Variants in CSNK2A2IP observed in about 807,000 individuals in gnomAD.
CSNK2A2IP encodes the protein casein kinase II subunit alpha'-interacting protein.
chr3:88,455,181 T>C, the CSNK2A2IP span, among the ~76,000 whole-genome samples: 6 of 152,066 alleles, frequency 3.9e-5, no homozygotes, highest in East Asian at 9.6e-4. Flanking sequence ...CTATTATACA[T>C]AATGCTGCAA....
the CSNK2A2IP span, among the ~76,000 whole-genome samples, chr3:88,362,712 G>T: frequency 4.6e-5 from 7 of 152,288 alleles, no homozygotes; most frequent in African/African-American, 1.2e-4. Flanking sequence ...ACGCTAAGGT[G>T]GCAGATTCCC....
the CSNK2A2IP span, among the ~76,000 whole-genome samples, chr3:88,387,972 C>T: frequency 6.6e-5 from 10 of 152,192 alleles, no homozygotes; most frequent in African/African-American, 1.7e-4. Context: ...AATGATCCTC[C>T]TGCCTCAGCC....
chr3:88,409,747 TTTTCTA>T, the CSNK2A2IP span, among the ~76,000 whole-genome samples: 1,880 of 152,198 alleles, frequency 0.012, 52 homozygotes, highest in African/African-American at 0.043. Context: ...CTTCAGATTC[TTTTCTA>T]TTTCTATTTT....
chr3:88,393,764 T>G, the CSNK2A2IP span, among the ~76,000 whole-genome samples: 7 of 152,294 alleles, frequency 4.6e-5, no homozygotes, highest in South Asian at 1.5e-3. Flanking sequence ...ATTTGAGATG[T>G]AAAATTCAAA....
chr3:88,462,001 T>TA, the CSNK2A2IP span, among the ~76,000 whole-genome samples: 1 of 151,956 alleles, frequency 6.6e-6, no homozygotes, highest in East Asian at 1.9e-4. Flanking sequence ...ATATATGTGT[T>TA]AGCCATTTGG....
the CSNK2A2IP span, among the ~76,000 whole-genome samples, chr3:88,399,458 C>T: frequency 2.6e-5 from 4 of 152,186 alleles, no homozygotes; most frequent in Non-Finnish European, 5.9e-5. Context: ...AGGTCAGACT[C>T]AAAAATACAG....
the CSNK2A2IP span, among the ~76,000 whole-genome samples, chr3:88,449,209 T>C: frequency 6.6e-6 from 1 of 152,180 alleles, no homozygotes; most frequent in African/African-American, 2.4e-5. Context: ...TTTCAATTCT[T>C]CAAAGCATGG....
the CSNK2A2IP span, among the ~76,000 whole-genome samples, chr3:88,429,297 T>C: frequency 6.6e-6 from 1 of 152,144 alleles, no homozygotes; most frequent in Non-Finnish European, 1.5e-5. Context: ...GCCTCCAGGC[T>C]CTTTCCCAGA....
the CSNK2A2IP span, among the ~76,000 whole-genome samples, chr3:88,441,856 A>G: frequency 6.6e-6 from 1 of 152,274 alleles, no homozygotes; most frequent in African/African-American, 2.4e-5. Flanking sequence ...TTTTACAGAC[A>G]TTTTCTCCAG....
chr3:88,360,295 G>A, the CSNK2A2IP span, among the ~76,000 whole-genome samples: 783 of 151,820 alleles, frequency 5.2e-3, 4 homozygotes, highest in Admixed American at 8.5e-3. Flanking sequence ...CACAACGCCC[G>A]GCTATTTTTT....
chr3:88,404,436 A>C, the CSNK2A2IP span, among the ~76,000 whole-genome samples: 1 of 152,204 alleles, frequency 6.6e-6, no homozygotes, highest in African/African-American at 2.4e-5. Flanking sequence ...ATGTTAGATC[A>C]GTGCTGTCCA....
the CSNK2A2IP span, among the ~76,000 whole-genome samples, chr3:88,417,703 C>G: frequency 6.6e-6 from 1 of 152,176 alleles, no homozygotes; most frequent in Non-Finnish European, 1.5e-5. Context: ...AAATTTGCTT[C>G]TATTTACTGT....
chr3:88,439,789 A>T, the CSNK2A2IP span, among the ~76,000 whole-genome samples: 1 of 151,394 alleles, frequency 6.6e-6, no homozygotes, highest in African/African-American at 2.4e-5. Context: ...CAATAATTGC[A>T]TAGGGATTAG....
chr3:88,452,810 A>C, the CSNK2A2IP span, among the ~76,000 whole-genome samples: 1 of 152,122 alleles, frequency 6.6e-6, no homozygotes, highest in African/African-American at 2.4e-5. Context: ...GTTAGCATTA[A>C]ATTTGCTCAC....
the CSNK2A2IP span, chr3:88,343,347 G>A: frequency 6.6e-6 from 1 of 151,922 alleles, no homozygotes; most frequent in African/African-American, 2.4e-5. Context: ...CCTTTTTGCG[G>A]TACAGTGATA....
the CSNK2A2IP span, among the ~76,000 whole-genome samples, chr3:88,366,683 C>G: frequency 4.0e-5 from 6 of 151,774 alleles, no homozygotes; most frequent in African/African-American, 1.5e-4. Context: ...AGGGGGAAGG[C>G]AAGGCAAAGT....
chr3:88,369,357 T>C, the CSNK2A2IP span, among the ~76,000 whole-genome samples: 1 of 151,912 alleles, frequency 6.6e-6, no homozygotes, highest in South Asian at 2.1e-4. Flanking sequence ...CAGACTATTT[T>C]TCTTGCAGAA....
At chr3:88,358,222 C>T in the CSNK2A2IP span, among the ~76,000 whole-genome samples, 1 of 152,070 alleles carries the variant, frequency 6.6e-6, no homozygotes, top group Non-Finnish European at 1.5e-5. Flanking sequence ...TTTAAAAGTT[C>T]TAATAGTTTT....
At chr3:88,369,088 T>C in the CSNK2A2IP span, among the ~76,000 whole-genome samples, 6 of 151,990 alleles carry the variant, frequency 3.9e-5, no homozygotes, top group African/African-American at 1.4e-4. Context: ...AAGAAGGACA[T>C]GAAATAAAAT....
Sources: allele counts gnomAD v4.1 joint callset (sites outside exome capture counted in the v4.1 genomes callset), GRCh38; gene constraint gnomAD v4.1.1; transcripts MANE v1.5; gene names NCBI Gene and HGNC (gene_info 2026-07-23, HGNC 2026-07-21).